The following DPP10 variants were observed in gnomAD, a reference collection of about 807,000 sequenced individuals.
DPP10 encodes the protein inactive dipeptidyl peptidase 10.
DPP10 carries 33 observed loss-of-function variants against 120.9 expected under a neutral mutation model. The observed-to-expected ratio is 0.27, with a 90% CI of 0.21 to 0.37. The LOEUF (loss-of-function observed/expected upper bound fraction) is 0.37. Ranked by LOEUF, DPP10 falls within the 10% of genes least tolerant of loss-of-function variation. The probability of loss-of-function intolerance (pLI) is 1.00; values close to 1 mark genes in which losing one functional copy is unlikely to be tolerated. For synonymous variants in DPP10, 337 were observed against 326.1 expected (o/e 1.03, Z -0.36); for missense variants, 816 against 942.8 (o/e 0.87, Z 1.76).
At chr2:114,780,135 C>G (rs1682182067) in intron 1 of DPP10, among the ~76,000 whole-genome samples, 1 of 151,024 alleles carries the variant, frequency 6.6e-6, no homozygotes, top group Non-Finnish European at 1.5e-5. Flanking sequence ...GACTGCGTCT[C>G]AAAAAAGAAA....
At chr2:115,771,081 TA>T (rs1559134707) in intron 13 of DPP10, among the ~76,000 whole-genome samples, 6 of 152,090 alleles carry the variant, frequency 3.9e-5, no homozygotes, top group Admixed American at 1.3e-4. Flanking sequence ...TTTATTTATT[TA>T]TTTATTTTTT....
At chr2:115,470,555 A>T (rs1365941293) in intron 3 of DPP10, among the ~76,000 whole-genome samples, 3 of 151,876 alleles carry the variant, frequency 2.0e-5, no homozygotes, top group Non-Finnish European at 4.4e-5. Context: ...AGACTAGGAG[A>T]AAAAAAACTC....
At chr2:115,206,298 T>G (rs1200319355) in intron 1 of DPP10, among the ~76,000 whole-genome samples, 1 of 152,130 alleles carries the variant, frequency 6.6e-6, no homozygotes, top group Non-Finnish European at 1.5e-5. Context: ...GAAACCAATT[T>G]TTTAAACAAT....
chr2:115,461,351 G>A (rs887152476), intron 3 of DPP10, among the ~76,000 whole-genome samples: 4 of 152,060 alleles, frequency 2.6e-5, no homozygotes, highest in East Asian at 3.9e-4. Context: ...GTTAACATGG[G>A]TAGATTTTGT....
intron 1 of DPP10, among the ~76,000 whole-genome samples, chr2:114,836,007 A>G (rs1687705079): frequency 6.6e-6 from 1 of 152,130 alleles, no homozygotes; most frequent in African/African-American, 2.4e-5. Flanking sequence ...GAGAAATGAA[A>G]CAAGTCACCT....
chr2:115,072,165 C>G (rs1360983153), intron 1 of DPP10, among the ~76,000 whole-genome samples: 1 of 151,930 alleles, frequency 6.6e-6, no homozygotes, highest in Non-Finnish European at 1.5e-5. Context: ...CCTTCCTTCC[C>G]CACTGTTTTT....
intron 1 of DPP10, among the ~76,000 whole-genome samples, chr2:114,511,128 G>T (rs1010726873): frequency 6.6e-6 from 1 of 152,186 alleles, no homozygotes; most frequent in African/African-American, 2.4e-5. Flanking sequence ...AGTATGTATA[G>T]ATATCAACAT....
intron 1 of DPP10, among the ~76,000 whole-genome samples, chr2:114,739,033 C>T (rs1677759008): frequency 6.6e-6 from 1 of 152,180 alleles, no homozygotes; most frequent in Non-Finnish European, 1.5e-5. Context: ...CCTATTTACT[C>T]TGCCCATTTC....
At position 114,766,206 on chromosome 2, in the gene DPP10, A is replaced by G. The variant is rs539834215; in HGVS notation, c.60+323368A>G. On this transcript the variant is annotated intron_variant, in intron 1 of 25. Transcript: ENST00000410059. ...TGGAAAAGACCTAAATGGAACTCTC[A>G]GAAACCATCATCACTGAAACTAAAA... is the stretch of plus-strand genomic sequence containing the variant. Among the ~76,000 whole-genome samples, 10 of 152,214 alleles carry G rather than the reference A, an allele frequency of 6.6e-5. 1 individual carries two copies. The South Asian group carries it at 1.7e-3, about 25-fold the overall frequency.
intron 1 of DPP10, among the ~76,000 whole-genome samples, chr2:115,209,675 G>T (rs1229792680): frequency 6.6e-6 from 1 of 152,004 alleles, no homozygotes; most frequent in Non-Finnish European, 1.5e-5. Flanking sequence ...GGGCAATGTG[G>T]TCTTGCAGCT....
At chr2:115,006,929 T>C (rs1339023237) in intron 1 of DPP10, among the ~76,000 whole-genome samples, 7 of 152,146 alleles carry the variant, frequency 4.6e-5, no homozygotes, top group South Asian at 2.1e-4. Context: ...TTTTCAGCAC[T>C]ACACCACACC....
intron 2 of DPP10, among the ~76,000 whole-genome samples, chr2:115,343,256 T>G (rs1441407066): frequency 1.3e-5 from 2 of 152,320 alleles, no homozygotes; most frequent in East Asian, 3.9e-4. Context: ...AATATTCTAG[T>G]ATTTTATTAT....
chr2:115,646,047 TCC>T (rs937314217), intron 5 of DPP10, among the ~76,000 whole-genome samples: 1 of 152,056 alleles, frequency 6.6e-6, no homozygotes, highest in African/African-American at 2.4e-5. Flanking sequence ...ATATTTCACT[TCC>T]CATCACACAC....
chr2:114,966,826 G>A (rs551184315), intron 1 of DPP10, among the ~76,000 whole-genome samples: 2 of 152,370 alleles, frequency 1.3e-5, no homozygotes, highest in African/African-American at 4.8e-5. Flanking sequence ...TGGGTCACTT[G>A]AGGTCAGGAG....
chr2:115,612,019 C>T (rs1292527500), intron 5 of DPP10, among the ~76,000 whole-genome samples: 1 of 152,022 alleles, frequency 6.6e-6, no homozygotes, highest in Non-Finnish European at 1.5e-5. Flanking sequence ...TATAACTATT[C>T]CAAATACATT....
At chr2:114,796,760 G>A (rs1683753713) in intron 1 of DPP10, among the ~76,000 whole-genome samples, 1 of 152,162 alleles carries the variant, frequency 6.6e-6, no homozygotes, top group Admixed American at 6.5e-5. Context: ...TGTTTCCTAT[G>A]TGCAAGTGAT....
intron 1 of DPP10, among the ~76,000 whole-genome samples, chr2:114,607,971 A>T (rs546666583): frequency 6.6e-6 from 1 of 152,052 alleles, no homozygotes; most frequent in East Asian, 1.9e-4. Context: ...ATGTATTATG[A>T]CCCCCAAGCT....
chr2:114,457,152 G>T (rs768990501), intron 1 of DPP10, among the ~76,000 whole-genome samples: 1 of 152,144 alleles, frequency 6.6e-6, no homozygotes, highest in Non-Finnish European at 1.5e-5. Context: ...CAGATCCTGC[G>T]TCTGTTGTAT....
chr2:115,150,142 T>C (rs2051454414), intron 1 of DPP10, among the ~76,000 whole-genome samples: 1 of 152,200 alleles, frequency 6.6e-6, no homozygotes, highest in Non-Finnish European at 1.5e-5. Flanking sequence ...AGGAGGGTTC[T>C]CAAACCAAAG....
Sources: allele counts gnomAD v4.1 joint callset (sites outside exome capture counted in the v4.1 genomes callset), GRCh38; gene constraint gnomAD v4.1.1; transcripts MANE v1.5; gene names NCBI Gene and HGNC (gene_info 2026-07-23, HGNC 2026-07-21).